The following ADAM32 variants were observed in gnomAD, a reference collection of about 807,000 sequenced individuals.
The protein encoded by ADAM32 is ADAM metallopeptidase domain 32.
A neutral mutation model predicts 114.9 loss-of-function variants in ADAM32; 89 were observed. The ratio of observed to expected loss-of-function variants is 0.77; its 90% confidence interval spans 0.65 to 0.92. ADAM32 has a LOEUF of 0.92. ADAM32 is among the 40% of genes least tolerant of loss of function. ADAM32 has a pLI of 0.00. For missense variants in ADAM32, 870 were observed against 932.8 expected, an observed-to-expected ratio of 0.93 and a Z score of 0.88; for synonymous variants, 285 against 307.5, an observed-to-expected ratio of 0.93 and a Z score of 0.77.
intron 12 of ADAM32, among the ~76,000 whole-genome samples, chr8:39,220,175 CTT>C (rs1451705459): frequency 2.0e-5 from 3 of 152,066 alleles, no homozygotes; most frequent in East Asian, 3.9e-4. Context: ...GAATTGAACT[CTT>C]TATCATTATG....
At chr8:39,272,603 G>T (rs987768229) in intron 20 of ADAM32, among the ~76,000 whole-genome samples, 1 of 152,130 alleles carries the variant, frequency 6.6e-6, no homozygotes, top group African/African-American at 2.4e-5. Flanking sequence ...GATAAAAAAT[G>T]ATATGTCTGT....
At chr8:39,140,049 A>G (rs371208035) in intron 3 of ADAM32, among the ~76,000 whole-genome samples, 30 of 152,086 alleles carry the variant, frequency 2.0e-4, no homozygotes, top group Admixed American at 1.1e-3. Flanking sequence ...TGCTGAAGTT[A>G]CTTATCAGCT....
rs184579300 is a variant in ADAM32 at position 39,207,580 on chromosome 8, T to A, written c.1053-3564T>A. On this transcript the variant is annotated intron_variant, in intron 11 of 24. Coordinates refer to ENST00000379907, the MANE Select transcript of ADAM32 (RefSeq NM_145004.7). ...CAATAACATTCAAAATCTGCTCTTCTAGCTGTCTTGGAATATGCACTACAT... is the reference window on the plus strand; with the variant it reads ...CAATAACATTCAAAATCTGCTCTTCAAGCTGTCTTGGAATATGCACTACAT... Among the ~76,000 whole-genome samples, 511 of 152,324 alleles carry A rather than the reference T, an allele frequency of 3.4e-3. 7 individuals are homozygous for A. The highest frequency in any genetic ancestry group is 0.011 in the African/African-American group (466 of 41,568).
At chr8:39,233,438 C>T (rs750075420) in intron 15 of ADAM32, among the ~76,000 whole-genome samples, 6 of 152,130 alleles carry the variant, frequency 3.9e-5, no homozygotes, top group Non-Finnish European at 8.8e-5. Flanking sequence ...CATGCTAATG[C>T]ATTATAATTA....
At chr8:39,264,038 C>A (rs969912472) in intron 19 of ADAM32, among the ~76,000 whole-genome samples, 3 of 152,222 alleles carry the variant, frequency 2.0e-5, no homozygotes, top group South Asian at 2.1e-4. Context: ...CAAGAAATTT[C>A]TTATTTCCCT....
intron 2 of ADAM32, among the ~76,000 whole-genome samples, chr8:39,121,180 A>C (rs1185929227): frequency 1.3e-5 from 2 of 152,238 alleles, no homozygotes; most frequent in Non-Finnish European, 2.9e-5. Context: ...CTCATGATTT[A>C]ATCCGCCATG....
chr8:39,117,945 A>C (rs141558216), intron 1 of ADAM32, 141 bp from the exon 2 acceptor site: 37 of 475,714 alleles, frequency 7.8e-5, no homozygotes, highest in African/African-American at 7.4e-4. Context: ...TTTTCAAATT[A>C]AGTGTTTTCA....
At chr8:39,276,245 C>A (rs1481380405) in intron 22 of ADAM32, 1 of 168,542 alleles carries the variant, frequency 5.9e-6, no homozygotes, top group Non-Finnish European at 1.3e-5. Context: ...AATATGTATG[C>A]TGATGAATAA....
intron 16 of ADAM32, among the ~76,000 whole-genome samples, chr8:39,245,414 G>T (rs1010161866): frequency 6.6e-6 from 1 of 152,014 alleles, no homozygotes. Flanking sequence ...AATCTTATTC[G>T]TGTAACCAAA....
chr8:39,201,885 C>T (rs1454333506), intron 11 of ADAM32, among the ~76,000 whole-genome samples: 1 of 152,024 alleles, frequency 6.6e-6, no homozygotes, highest in Non-Finnish European at 1.5e-5. Flanking sequence ...ATTGAGATAA[C>T]CATGTGGTTT....
chr8:39,280,286 T>C (rs1253983082), intron 22 of ADAM32, among the ~76,000 whole-genome samples: 1 of 152,154 alleles, frequency 6.6e-6, no homozygotes, highest in Non-Finnish European at 1.5e-5. Context: ...TTTATTTTTT[T>C]TTAAATGGTA....
At position 39,195,559 on chromosome 8, in the gene ADAM32, G is replaced by A. The variant is rs534498427; in HGVS notation, c.1052+8514G>A. 1.1e-3 allele frequency among the ~76,000 whole-genome samples: 174 copies of A among 152,140 alleles called. 1 individual carries two copies. In the South Asian group the frequency reaches 0.027, roughly 24 times the overall value. The stretch of plus-strand genomic sequence containing the variant: ...TTCTTCTAGCAGTTTTACAGTTTCC[G>A]GCCTTATGTTTAAGTCCTTAATCCG... On this transcript the variant is annotated intron_variant, in intron 11 of 24. Transcript: ENST00000379907.
At chr8:39,184,107 G>A (rs942014024) in intron 10 of ADAM32, among the ~76,000 whole-genome samples, 1 of 152,194 alleles carries the variant, frequency 6.6e-6, no homozygotes, top group Non-Finnish European at 1.5e-5. Flanking sequence ...AGGCAGATCG[G>A]TTTCAGATGA....
intron 18 of ADAM32, 144 bp downstream of exon 18, chr8:39,254,660 C>T: frequency 1.8e-6 from 1 of 553,720 alleles, no homozygotes; most frequent in Non-Finnish European, 3.0e-6. Context: ...GGAATGGAAA[C>T]CAAACATGCC....
At chr8:39,264,175 A>T (rs943702812) in intron 19 of ADAM32, among the ~76,000 whole-genome samples, 11 of 152,080 alleles carry the variant, frequency 7.2e-5, no homozygotes, top group Admixed American at 6.6e-5. Flanking sequence ...ACAGGGTTAA[A>T]TTGTGTGTCA....
chr8:39,234,674 GC>G (rs1809987002), intron 16 of ADAM32, among the ~76,000 whole-genome samples: 1 of 152,206 alleles, frequency 6.6e-6, no homozygotes, highest in South Asian at 2.1e-4. Context: ...GGCTATTATT[GC>G]CGATTGTTAT....
rs191409691 is a variant in ADAM32 at position 39,178,144 on chromosome 8, G to A, written c.915+8147G>A. Among the ~76,000 whole-genome samples, 10 of 152,202 alleles carry A rather than the reference G, an allele frequency of 6.6e-5. No individual in the cohort carries two copies. The East Asian group carries it at 7.7e-4, about 12-fold the overall frequency. On this transcript the variant is annotated intron_variant, in intron 10 of 24. Coordinates refer to ENST00000379907, the MANE Select transcript of ADAM32 (RefSeq NM_145004.7). ...GTTCTGTTCTCCCCATCTCTTTCAG[G>A]TATCTTAATCAGTTGTAAGTTCAGT...
At chr8:39,120,059 C>T (rs1364047409) in intron 2 of ADAM32, among the ~76,000 whole-genome samples, 2 of 152,198 alleles carry the variant, frequency 1.3e-5, no homozygotes, top group Non-Finnish European at 2.9e-5. Flanking sequence ...GGAGAGGCCT[C>T]ACCAGAAATC....
intron 10 of ADAM32, among the ~76,000 whole-genome samples, chr8:39,172,853 T>C (rs377439047): frequency 3.6e-4 from 55 of 152,364 alleles, no homozygotes; most frequent in African/African-American, 1.3e-3. Flanking sequence ...TTTGGGTATA[T>C]ACCCAGTAAT....
Sources: gnomAD v4.1 joint callset for allele counts (sites outside exome capture counted in the v4.1 genomes callset) on GRCh38, gnomAD v4.1.1 for gene constraint, MANE v1.5 for transcripts, NCBI Gene and HGNC (gene_info 2026-07-23, HGNC 2026-07-21) for gene names.